STXBP5L: variants seen among roughly 807,000 people sequenced by gnomAD.
STXBP5L encodes the protein syntaxin-binding protein 5-like.
In STXBP5L, 65 loss-of-function variants were observed where a neutral mutation model predicts 144.5. The ratio of observed to expected loss-of-function variants is 0.45; its 90% CI spans 0.37 to 0.55. The LOEUF is 0.55. Among genes scored for constraint, STXBP5L ranks in the 20% least tolerant of loss-of-function variants. The pLI, the probability that STXBP5L is intolerant of heterozygous loss-of-function variation, is 0.00. For synonymous variants in STXBP5L, 505 were observed against 469.6 expected, an observed-to-expected ratio of 1.08 and a Z score of -0.97; for missense variants, 1,298 against 1,405.5, an observed-to-expected ratio of 0.92 and a Z score of 1.22.
intron 8 of STXBP5L, among the ~76,000 whole-genome samples, chr3:121,153,313 G>A (rs1017042244): frequency 1.4e-4 from 21 of 152,072 alleles, no homozygotes; most frequent in African/African-American, 4.8e-4. Flanking sequence ...CAGATTAAAA[G>A]GGAAATTACC....
At chr3:121,076,705 G>T (rs1011146028) in intron 5 of STXBP5L, among the ~76,000 whole-genome samples, 2 of 151,996 alleles carry the variant, frequency 1.3e-5, no homozygotes, top group South Asian at 2.1e-4. Context: ...TCTCACAAAG[G>T]GTTCTCAGTT....
rs533977584 is a variant in STXBP5L, at chr3:121,051,037, A to G, written c.470+5502A>G. 2.4e-3 allele frequency among the ~76,000 whole-genome samples: 360 copies of G among 152,372 alleles called. 2 individuals carry two copies. Among genetic ancestry groups the G allele is most frequent in the Middle Eastern group, 0.01 (3 of 294 alleles). On this transcript the variant is annotated intron_variant, in intron 5 of 26. Transcript: ENST00000471454. The stretch of plus-strand genomic sequence containing the variant: ...ATCAATTCAACAAGAAGAGCTAACT[A>G]TCCTAAATATATATGCACCCAATAC...
chr3:121,093,673 A>G (rs563733569), intron 5 of STXBP5L, among the ~76,000 whole-genome samples: 1 of 150,364 alleles, frequency 6.7e-6, no homozygotes, highest in Admixed American at 6.6e-5. Context: ...TTTTTTCTTT[A>G]TTAGTCTTGC....
chr3:121,019,343 ACTAC>A (rs1945378910), intron 3 of STXBP5L, among the ~76,000 whole-genome samples: 1 of 152,120 alleles, frequency 6.6e-6, no homozygotes, highest in African/African-American at 2.4e-5. Flanking sequence ...TGGCCTGCAC[ACTAC>A]CTGAGAAACC....
chr3:120,966,481 T>C (rs1430862729), intron 3 of STXBP5L, among the ~76,000 whole-genome samples: 2 of 151,996 alleles, frequency 1.3e-5, no homozygotes, highest in Non-Finnish European at 2.9e-5. Context: ...GATGACCTTT[T>C]TGTTGATGTT....
chr3:120,994,880 T>G (rs1943215556), intron 3 of STXBP5L, among the ~76,000 whole-genome samples: 1 of 151,938 alleles, frequency 6.6e-6, no homozygotes, highest in Non-Finnish European at 1.5e-5. Flanking sequence ...TTGGTAGAAC[T>G]TGGCAGTGAA....
intron 23 of STXBP5L, among the ~76,000 whole-genome samples, chr3:121,411,221 G>T (rs2047107860): frequency 6.6e-6 from 1 of 152,068 alleles, no homozygotes; most frequent in African/African-American, 2.4e-5. Flanking sequence ...GCTACATGTG[G>T]TTACTGGCTA....
intron 3 of STXBP5L, among the ~76,000 whole-genome samples, chr3:120,994,824 T>C (rs638343): frequency 1.3e-5 from 2 of 151,842 alleles, no homozygotes; most frequent in African/African-American, 4.8e-5. Context: ...TACTCTTCAA[T>C]TTTTTGGAAT....
chr3:121,045,647 A>G, intron 5 of STXBP5L, 112 bp downstream of exon 5: 1 of 946,744 alleles, frequency 1.1e-6, no homozygotes, highest in Middle Eastern at 2.6e-4. Context: ...GCTAGAAATA[A>G]TTTAATGTTT....
chr3:121,189,702 C>T lies in STXBP5L; in HGVS notation c.878-16221C>T, dbSNP rs368873664. Among the ~76,000 whole-genome samples, 9 of 152,190 alleles carry T rather than the reference C, an allele frequency of 5.9e-5. No individual in the cohort carries two copies. In the South Asian group the frequency reaches 6.2e-4, roughly 11 times the overall value. On this transcript the variant is annotated intron_variant, in intron 9 of 26. Coordinates refer to ENST00000471454, the MANE Select transcript of STXBP5L (RefSeq NM_001308330.2). Reference sequence around the variant, plus strand: ...TTGACTTCAGAATGTCTTGACAATGCGGGCTTTTTTTGGTTCCATATGAAC... The same window carrying T: ...TTGACTTCAGAATGTCTTGACAATGTGGGCTTTTTTTGGTTCCATATGAAC...
chr3:121,206,938 T>A (rs1486157594), intron 10 of STXBP5L, among the ~76,000 whole-genome samples: 1 of 152,230 alleles, frequency 6.6e-6, no homozygotes, highest in Admixed American at 6.5e-5. Flanking sequence ...TTAAATTTAT[T>A]TTAATTCAAA....
chr3:121,344,775 A>G (rs1264889808), intron 20 of STXBP5L, among the ~76,000 whole-genome samples: 3 of 151,914 alleles, frequency 2.0e-5, no homozygotes, highest in Non-Finnish European at 4.4e-5. Context: ...GAGGAATTAT[A>G]CTAATTTCAC....
In STXBP5L at chr3:121,309,532, A is replaced by G. The variant is rs557240915; in HGVS notation, c.2111-8943A>G. 5.4e-4 allele frequency among the ~76,000 whole-genome samples: 82 copies of G among 152,260 alleles called. 1 individual carries two copies. Among genetic ancestry groups the G allele is most frequent in the South Asian group, 5.0e-3 (24 of 4,830 alleles). On this transcript the variant is annotated intron_variant, in intron 19 of 26. Transcript: ENST00000471454. ...ACATGATCAAAAAGAGAAAGTCAAT[A>G]ATAATTGTTGGAAATTTCAAAGTTC...
intron 20 of STXBP5L, among the ~76,000 whole-genome samples, chr3:121,348,298 G>C (rs1462088924): frequency 6.6e-6 from 1 of 152,120 alleles, no homozygotes; most frequent in African/African-American, 2.4e-5. Context: ...TGCGTCCCAG[G>C]GATGAAGTCC....
chr3:120,952,570 C>T (rs907294931), intron 2 of STXBP5L, among the ~76,000 whole-genome samples: 1 of 151,854 alleles, frequency 6.6e-6, no homozygotes, highest in African/African-American at 2.4e-5. Flanking sequence ...AATGGTAAAG[C>T]ACTGGATTTA....
intron 20 of STXBP5L, among the ~76,000 whole-genome samples, chr3:121,349,131 G>A (rs1399542217): frequency 6.6e-6 from 1 of 152,070 alleles, no homozygotes; most frequent in Admixed American, 6.6e-5. Context: ...TGCTTTAAAT[G>A]TGTCCCGGAG....
At chr3:120,976,357 A>T (rs939435425) in intron 3 of STXBP5L, among the ~76,000 whole-genome samples, 1 of 151,966 alleles carries the variant, frequency 6.6e-6, no homozygotes, top group African/African-American at 2.4e-5. Flanking sequence ...ATTCTCTGAT[A>T]GTAGTTTGTA....
At position 121,243,615 on chromosome 3, in the gene STXBP5L, C is replaced by T. The variant is rs140257118; in HGVS notation, c.1400+3108C>T. The stretch of plus-strand genomic sequence containing the variant: ...GCCCCGAGAATACTCACTGGCAGCA[C>T]TTGCAGCTATAACATTTATGCCAAG... On this transcript the variant is annotated intron_variant, in intron 14 of 26. Transcript: ENST00000471454. Among the ~76,000 whole-genome samples, 209 of 151,206 alleles carry T rather than the reference C, an allele frequency of 1.4e-3. 1 individual carries two copies. The highest frequency in any genetic ancestry group is 4.9e-3 in the African/African-American group (201 of 41,282).
chr3:121,283,460 A>T (rs1255788433), intron 19 of STXBP5L, among the ~76,000 whole-genome samples: 1 of 151,996 alleles, frequency 6.6e-6, no homozygotes, highest in Non-Finnish European at 1.5e-5. Context: ...GTGTGCGAGA[A>T]TATTGGTATC....
Sources: allele counts gnomAD v4.1 joint callset (sites outside exome capture counted in the v4.1 genomes callset), GRCh38; gene constraint gnomAD v4.1.1; transcripts MANE v1.5; gene names NCBI Gene and HGNC (gene_info 2026-07-23, HGNC 2026-07-21).